Variants in JAK1 observed in about 807,000 individuals in gnomAD.
JAK1 encodes tyrosine-protein kinase JAK1.
A neutral mutation model predicts 136.6 loss-of-function variants in JAK1; 16 were observed. That is an observed-to-expected ratio of 0.12 (90% CI 0.08 to 0.18). The LOEUF is 0.18. Ranked by LOEUF, JAK1 falls within the 10% of genes least tolerant of loss-of-function variation. JAK1 has a pLI of 1.00. For missense variants in JAK1, 859 were observed against 1,450.1 expected (o/e 0.59, Z 6.62); for synonymous variants, 492 against 519.5 (o/e 0.95, Z 0.72).
chr1:64,905,832 AAG>A (rs1645181472), intron 1 of JAK1, among the ~76,000 whole-genome samples: 1 of 152,204 alleles, frequency 6.6e-6, no homozygotes. Flanking sequence ...AAATGAGGAA[AAG>A]AGGTCAGGTT....
chr1:65,052,118 A>ATTT (rs71056073), intron 1 of JAK1, among the ~76,000 whole-genome samples: 33 of 93,574 alleles, frequency 3.5e-4, no homozygotes, highest in African/African-American at 7.5e-4. Context: ...ACGCCTGGCT[A>ATTT]TTTTTTTTTT....
intron 11 of JAK1, among the ~76,000 whole-genome samples, chr1:64,853,531 T>C (rs1317467975): frequency 6.6e-6 from 1 of 152,172 alleles, no homozygotes; most frequent in African/African-American, 2.4e-5. Flanking sequence ...AAACAACGCC[T>C]GGCAAACTGT....
At chr1:64,859,421 G>A (rs1656153391) in intron 9 of JAK1, among the ~76,000 whole-genome samples, 1 of 152,204 alleles carries the variant, frequency 6.6e-6, no homozygotes, top group South Asian at 2.1e-4. Flanking sequence ...CAATCCATGG[G>A]CTGCCTCACA....
At chr1:64,891,268 C>T (rs7529428) in intron 1 of JAK1, among the ~76,000 whole-genome samples, 8,940 of 152,188 alleles carry the variant, frequency 0.059, 520 homozygotes, top group African/African-American at 0.15. Context: ...GAGTCAAACA[C>T]GTGACTACTG....
At chr1:65,056,816 C>T (rs1200264373) in intron 1 of JAK1, among the ~76,000 whole-genome samples, 1 of 150,790 alleles carries the variant, frequency 6.6e-6, no homozygotes, top group Non-Finnish European at 1.5e-5. Context: ...CCCAGCTACT[C>T]GGCAGGCTGA....
At chr1:65,049,311 A>C (rs1647223828) in intron 1 of JAK1, among the ~76,000 whole-genome samples, 1 of 152,120 alleles carries the variant, frequency 6.6e-6, no homozygotes, top group Non-Finnish European at 1.5e-5. Context: ...AGTCCCAGAT[A>C]CTCAGGAGGC....
chr1:64,943,904 A>C (rs1645933903), intron 1 of JAK1, among the ~76,000 whole-genome samples: 1 of 151,942 alleles, frequency 6.6e-6, no homozygotes, highest in African/African-American at 2.4e-5. Flanking sequence ...ATCCACATCA[A>C]AAAAATGAGT....
At chr1:65,056,902 C>T (rs1055137835) in intron 1 of JAK1, among the ~76,000 whole-genome samples, 3 of 145,234 alleles carry the variant, frequency 2.1e-5, no homozygotes, top group African/African-American at 7.6e-5. Flanking sequence ...CCAGCCTGAC[C>T]GCAGACTGAG....
chr1:64,975,281 T>C (rs1646488678), intron 2 of JAK1, among the ~76,000 whole-genome samples: 1 of 152,200 alleles, frequency 6.6e-6, no homozygotes, highest in Non-Finnish European at 1.5e-5. Flanking sequence ...AGCTTTCATA[T>C]ACCTGCCATG....
At chr1:64,852,275 A>C (rs1434405696) in intron 11 of JAK1, among the ~76,000 whole-genome samples, 1 of 152,278 alleles carries the variant, frequency 6.6e-6, no homozygotes, top group Non-Finnish European at 1.5e-5. Context: ...AATTGGCCCA[A>C]GGCCAGGCAG....
intron 1 of JAK1, among the ~76,000 whole-genome samples, chr1:64,928,778 C>CAAAAAAAAAAAAAAAAAAAAAAAAAAA (rs1183218798): frequency 2.1e-4 from 13 of 61,146 alleles, no homozygotes; most frequent in East Asian, 1.9e-3. Flanking sequence ...TAAAACTCTG[C>CAAAAAAAAAAAAAAAAAAAAAAAAAAA]AAAAAAAAAA....
At chr1:64,937,682 A>C (rs560197146) in intron 1 of JAK1, among the ~76,000 whole-genome samples, 76 of 152,278 alleles carry the variant, frequency 5.0e-4, no homozygotes, top group Non-Finnish European at 9.6e-4. Context: ...ACAAAAAAAA[A>C]CCTGGAAAAT....
chr1:64,988,972 A>G (rs1487184592), intron 2 of JAK1, among the ~76,000 whole-genome samples: 42 of 131,100 alleles, frequency 3.2e-4, no homozygotes, highest in African/African-American at 1.2e-3. Flanking sequence ...GTATGTATAT[A>G]TATATGTATA....
intron 1 of JAK1, among the ~76,000 whole-genome samples, chr1:64,913,705 A>AAGGAAGGAAGGGAGGGAGGG (rs764180012): frequency 2.8e-5 from 1 of 35,718 alleles, no homozygotes; most frequent in Admixed American, 3.4e-4. Flanking sequence ...GGAAGGAAAG[A>AAGGAAGGAAGGGAGGGAGGG]AGGGAGGGAG....
At chr1:65,024,037 T>C (rs1310772959) in intron 2 of JAK1, among the ~76,000 whole-genome samples, 1 of 152,136 alleles carries the variant, frequency 6.6e-6, no homozygotes, top group Non-Finnish European at 1.5e-5. Context: ...TTGAGTTGTT[T>C]TCCATTTTTG....
intron 2 of JAK1, among the ~76,000 whole-genome samples, chr1:65,037,586 G>A (rs988603428): frequency 6.6e-6 from 1 of 152,198 alleles, no homozygotes; most frequent in Non-Finnish European, 1.5e-5. Context: ...TACATTTCTA[G>A]TGATAATGAG....
At chr1:64,940,514 ACC>A (rs1452229246) in intron 1 of JAK1, among the ~76,000 whole-genome samples, 12 of 151,926 alleles carry the variant, frequency 7.9e-5, no homozygotes, top group Admixed American at 7.9e-4. Flanking sequence ...ATGGAGTTTC[ACC>A]ATGTTGGCCA....
chr1:64,917,918 C>T (rs1443896385), intron 1 of JAK1, among the ~76,000 whole-genome samples: 1 of 152,196 alleles, frequency 6.6e-6, no homozygotes, highest in Non-Finnish European at 1.5e-5. Context: ...GTCCCTGCAA[C>T]CTCTCAACTC....
intron 2 of JAK1, among the ~76,000 whole-genome samples, chr1:65,032,048 C>A (rs1186859135): frequency 6.6e-6 from 1 of 151,586 alleles, no homozygotes; most frequent in East Asian, 1.9e-4. Context: ...TCACTGCAAC[C>A]TCTGCCTCCT....
Sources: gnomAD v4.1 joint callset for allele counts (sites outside exome capture counted in the v4.1 genomes callset) on GRCh38, gnomAD v4.1.1 for gene constraint, MANE v1.5 for transcripts, NCBI Gene and HGNC (gene_info 2026-07-23, HGNC 2026-07-21) for gene names.